Variants in NAV2 observed in about 807,000 individuals in gnomAD.
NAV2 encodes the protein neuron navigator 2.
A neutral mutation model predicts 223.2 loss-of-function variants in NAV2; 54 were observed. That is an observed-to-expected ratio of 0.24 (90% CI 0.19 to 0.30). The LOEUF (loss-of-function observed/expected upper bound fraction) is 0.30, where lower values mean the gene tolerates loss of function less well. Ranked by LOEUF, NAV2 falls within the 10% of genes least tolerant of loss-of-function variation. The pLI is 1.00. For missense variants in NAV2, 2,806 were observed against 3,147.5 expected (o/e 0.89, Z 2.60); for synonymous variants, 1,279 against 1,239.3 (o/e 1.03, Z -0.67).
chr11:20,115,565 G>T (rs1232809631), intron 37 of NAV2, among the ~76,000 whole-genome samples: 1 of 147,094 alleles, frequency 6.8e-6, no homozygotes, highest in East Asian at 2.0e-4. Flanking sequence ...CCGGGAGGTG[G>T]AGCTTGCAGT....
At chr11:19,631,484 A>G (rs1019551356) in intron 1 of NAV2, among the ~76,000 whole-genome samples, 1 of 152,172 alleles carries the variant, frequency 6.6e-6, no homozygotes. Flanking sequence ...AGAAAGCACA[A>G]CAAGTGTTTT....
intron 8 of NAV2, among the ~76,000 whole-genome samples, chr11:19,940,195 C>G (rs577230851): frequency 3.9e-5 from 6 of 151,932 alleles, no homozygotes; most frequent in African/African-American, 1.2e-4. Flanking sequence ...AAAATATGTT[C>G]TTAGAGTCCT....
intron 10 of NAV2, among the ~76,000 whole-genome samples, chr11:19,964,232 A>G (rs1050935037): frequency 1.6e-4 from 24 of 152,100 alleles, no homozygotes; most frequent in African/African-American, 5.6e-4. Context: ...TGGTGTAGCT[A>G]TTTTAGAAGC....
intron 5 of NAV2, among the ~76,000 whole-genome samples, chr11:19,889,449 C>T (rs926012997): frequency 6.6e-6 from 1 of 152,174 alleles, no homozygotes; most frequent in Non-Finnish European, 1.5e-5. Context: ...AGGGAGCTGT[C>T]CTGACTAGAG....
At chr11:19,570,899 T>C (rs1024027119) in intron 1 of NAV2, among the ~76,000 whole-genome samples, 5 of 152,186 alleles carry the variant, frequency 3.3e-5, no homozygotes, top group Non-Finnish European at 7.3e-5. Context: ...AAGTTAAACA[T>C]GGAATTACCA....
intron 1 of NAV2, among the ~76,000 whole-genome samples, chr11:19,382,201 C>T (rs1424868627): frequency 2.0e-5 from 3 of 152,108 alleles, no homozygotes; most frequent in Non-Finnish European, 4.4e-5. Flanking sequence ...GCAGTGTCCT[C>T]GGGAGTGGAA....
intron 1 of NAV2, among the ~76,000 whole-genome samples, chr11:19,620,401 G>T (rs191502910): frequency 5.9e-5 from 9 of 152,304 alleles, no homozygotes; most frequent in Admixed American, 5.9e-4. Context: ...AGCATGGATT[G>T]TTCTTCCATT....
intron 1 of NAV2, among the ~76,000 whole-genome samples, chr11:19,715,639 G>C (rs2050241899): frequency 6.6e-6 from 1 of 152,140 alleles, no homozygotes; most frequent in Admixed American, 6.5e-5. Flanking sequence ...AACAAACATT[G>C]TCAGAGGACT....
chr11:19,870,254 G>T (rs540914375), intron 4 of NAV2, among the ~76,000 whole-genome samples: 1 of 152,124 alleles, frequency 6.6e-6, no homozygotes, highest in Non-Finnish European at 1.5e-5. Context: ...GCTTTGCTGG[G>T]GGGCGGGGGT....
At chr11:20,071,571 T>C (rs1354496996) in intron 22 of NAV2, among the ~76,000 whole-genome samples, 1 of 152,210 alleles carries the variant, frequency 6.6e-6, no homozygotes, top group Non-Finnish European at 1.5e-5. Flanking sequence ...TAATTTACAC[T>C]CTCATCAACA....
At chr11:19,626,280 A>C (rs1471136571) in intron 1 of NAV2, among the ~76,000 whole-genome samples, 2 of 152,170 alleles carry the variant, frequency 1.3e-5, no homozygotes, top group African/African-American at 4.8e-5. Flanking sequence ...TTTATTGAAG[A>C]GGGTGTCCTT....
chr11:19,643,434 G>T (rs143838064), intron 1 of NAV2, among the ~76,000 whole-genome samples: 1 of 151,268 alleles, frequency 6.6e-6, no homozygotes. Flanking sequence ...TCGTCCTTGC[G>T]ATAGTTTGCT....
chr11:19,475,110 A>G (rs1391745050), intron 1 of NAV2, among the ~76,000 whole-genome samples: 8 of 152,234 alleles, frequency 5.3e-5, no homozygotes, highest in Admixed American at 6.5e-5. Context: ...CTCCCTGGTC[A>G]CAGCCTGCAT....
At chr11:19,628,041 C>T (rs2047222312) in intron 1 of NAV2, among the ~76,000 whole-genome samples, 1 of 151,906 alleles carries the variant, frequency 6.6e-6, no homozygotes, top group Non-Finnish European at 1.5e-5. Flanking sequence ...ATGTGGCAAA[C>T]ACCCAATAGA....
Position 19,741,727 on chromosome 11 carries a change from A to C in NAV2, c.267+27765A>C, listed in dbSNP as rs1175018892. 7.3e-5 allele frequency among the ~76,000 whole-genome samples: 10 copies of C among 137,700 alleles called. No homozygotes were observed. In the East Asian group the frequency reaches 1.0e-3, roughly 14 times the overall value. The allele number at this position is 137,700 out of a possible 152,430, so 90.3% of individuals were successfully genotyped here. A position where few individuals can be genotyped will look rare whatever the true frequency, so the allele number is the denominator to read the frequency against. On this transcript the variant is annotated intron_variant, in intron 1 of 37. Transcript: ENST00000349880. ...TATATATATATATATATATATATATATCACAATTTATTTATCCATTTATCC... is the reference window on the plus strand; with the variant it reads ...TATATATATATATATATATATATATCTCACAATTTATTTATCCATTTATCC...
intron 6 of NAV2, among the ~76,000 whole-genome samples, chr11:19,896,084 C>A (rs1312716034): frequency 6.6e-6 from 1 of 152,134 alleles, no homozygotes. Context: ...TTCACCGAAG[C>A]CTTCCTGTAA....
intron 1 of NAV2, among the ~76,000 whole-genome samples, chr11:19,486,567 C>T (rs987078548): frequency 1.3e-5 from 2 of 152,102 alleles, no homozygotes; most frequent in African/African-American, 2.4e-5. Flanking sequence ...CCCTTTTGCT[C>T]GGCACTTCTC....
chr11:19,730,317 T>C (rs893221673), intron 1 of NAV2, among the ~76,000 whole-genome samples: 3 of 152,184 alleles, frequency 2.0e-5, no homozygotes, highest in African/African-American at 7.2e-5. Context: ...TGCTGCCGGC[T>C]GCTTTCACCA....
intron 26 of NAV2, among the ~76,000 whole-genome samples, chr11:20,083,641 A>G (rs944561709): frequency 2.0e-5 from 3 of 152,222 alleles, no homozygotes; most frequent in African/African-American, 7.2e-5. Context: ...GTAGTCTGCA[A>G]GGAAAGTTGT....
Sources: gnomAD v4.1 joint callset for allele counts (sites outside exome capture counted in the v4.1 genomes callset) on GRCh38, gnomAD v4.1.1 for gene constraint, MANE v1.5 for transcripts, NCBI Gene and HGNC (gene_info 2026-07-23, HGNC 2026-07-21) for gene names.